SYT3: variants seen among roughly 807,000 people sequenced by gnomAD.
SYT3 encodes synaptotagmin 3.
Under a neutral mutation model 50.6 loss-of-function variants are expected in SYT3, and 25 were observed. The ratio of observed to expected loss-of-function variants is 0.49; its 90% CI spans 0.36 to 0.69. The LOEUF (loss-of-function observed/expected upper bound fraction) is 0.69, where lower values mean the gene tolerates loss of function less well. Ranked by LOEUF, SYT3 falls within the 30% of genes least tolerant of loss-of-function variation. The probability of loss-of-function intolerance (pLI) is 0.00; values close to 1 mark genes in which losing one functional copy is unlikely to be tolerated. For synonymous variants in SYT3, 323 were observed against 353.9 expected (o/e 0.91, Z 0.98); for missense variants, 589 against 793.6 (o/e 0.74, Z 3.10).
the SYT3 span, among the ~76,000 whole-genome samples, chr19:50,645,796 C>T: frequency 3.3e-5 from 5 of 152,092 alleles, no homozygotes; most frequent in Admixed American, 2.0e-4. Flanking sequence ...GGGAAGATCG[C>T]TTGAGCCTAG....
chr19:50,625,441 T>G lies in SYT3; in HGVS notation c.1526A>C (p.Glu509Ala). 1 of 1,576,582 alleles carries G rather than the reference T, an allele frequency of 6.3e-7. No individual in the cohort carries two copies. ...GCTGAGCCCCACGTTCTCCACGCTC[T>G]CGGGGGCCACGTCGAACACCAGCGC... ...NEALVFDVAP[E>A]SVENVGLSIA... Residue 509 changes from glutamate to alanine, a missense_variant, in exon 8 of 11, where the codon GAG becomes GCG. By Grantham distance (107) the Glu-to-Ala change is moderately radical (BLOSUM62 -1). This residue lies in a region of SYT3 where 273 missense variants were observed against 439.3 expected (regional missense o/e 0.62). Transcript: ENST00000600079. The surrounding 1 kb of genome is among the most constrained non-coding windows in gnomAD (Gnocchi z 7.5).
chr19:50,641,459 G>A (rs1187257028), upstream of SYT3, among the ~76,000 whole-genome samples: 1 of 147,078 alleles, frequency 6.8e-6, no homozygotes, highest in Non-Finnish European at 1.5e-5. Flanking sequence ...GTGAGCCACC[G>A]CGCCCGGCCT....
Position 50,632,898 on chromosome 19 carries a change from A to G in SYT3, c.149-87T>C. On this transcript the variant is annotated intron_variant, in intron 3 of 10. Transcript: ENST00000600079. This position sits in a 1 kb window ranked among gnomAD's most constrained non-coding sequence, Gnocchi z 4.7. ...TGTCCCCAAAGAGTTAACCCTTCAT[A>G]TTTGCCATGCAATTGTCCATGCAAT... 2 of 1,160,982 alleles carry G rather than the reference A, an allele frequency of 1.7e-6. No homozygotes were observed. Among genetic ancestry groups the G allele is most frequent in the East Asian group, 5.4e-5 (2 of 37,342 alleles). 71.9% of individuals were successfully genotyped at this position (1,160,982 alleles called of 1,614,324 possible). A position where few individuals can be genotyped will look rare whatever the true frequency, so the allele number is the denominator to read the frequency against.
At position 50,625,106 on chromosome 19, in the gene SYT3, A is replaced by G; in HGVS notation, c.1707+56T>C. On this transcript the variant is annotated intron_variant, in intron 9 of 10. Transcript: ENST00000600079. This position sits in a 1 kb window ranked among gnomAD's most constrained non-coding sequence, Gnocchi z 7.5. ...ATGCAGGGCGTTCGTTGCATGGATGAAGGGGCCGAGGGTGCACGGGTGCTT... is the reference window on the plus strand; with the variant it reads ...ATGCAGGGCGTTCGTTGCATGGATGGAGGGGCCGAGGGTGCACGGGTGCTT... 1 of 1,459,810 alleles carries G rather than the reference A, an allele frequency of 6.9e-7. No individual in the cohort carries two copies. Among genetic ancestry groups the G allele is most frequent in the South Asian group, 1.4e-5 (1 of 71,214 alleles). 90.4% of individuals were successfully genotyped at this position (1,459,810 alleles called of 1,614,324 possible).
intron 6 of SYT3, 93 bp from the exon 7 acceptor site, chr19:50,626,110 C>A (rs1360516662): frequency 2.0e-6 from 3 of 1,493,438 alleles, no homozygotes; most frequent in Non-Finnish European, 2.7e-6. Flanking sequence ...TGCTTTACAC[C>A]CTGACATCCA....
intron 4 of SYT3, among the ~76,000 whole-genome samples, chr19:50,630,405 CCTT>C (rs1328443691): frequency 6.7e-6 from 1 of 149,730 alleles, no homozygotes; most frequent in East Asian, 2.0e-4. Flanking sequence ...TCCCTCCCTC[CCTT>C]CTTTCCTTCC....
At position 50,625,134 on chromosome 19, in the gene SYT3, C is replaced by T. The variant is rs748455193; in HGVS notation, c.1707+28G>A. On this transcript the variant is annotated intron_variant, in intron 9 of 10. Coordinates refer to ENST00000600079, the MANE Select transcript of SYT3 (RefSeq NM_001160329.2). The surrounding 1 kb of genome is among the most constrained non-coding windows in gnomAD (Gnocchi z 7.5). ...GGGCCGAGGGTGCACGGGTGCTTGT[C>T]AGGGGTCGGTGTGGGACCCCTACTC... The T allele has an allele frequency of 2.5e-5, 39 of 1,537,108 alleles. No individual in the cohort carries two copies. Among genetic ancestry groups the T allele is most frequent in the Non-Finnish European group, 3.3e-5 (38 of 1,147,728 alleles).
Position 50,632,197 on chromosome 19 carries a change from C to T in SYT3, c.674+89G>A, listed in dbSNP as rs889527539. ...TCAATACCCCGATTCCCCTCCAAATCCCGAACTCATAAGAGCTATAGATAG... is the reference window on the plus strand; with the variant it reads ...TCAATACCCCGATTCCCCTCCAAATTCCGAACTCATAAGAGCTATAGATAG... On this transcript the variant is annotated intron_variant, in intron 4 of 10. Coordinates refer to ENST00000600079, the MANE Select transcript of SYT3 (RefSeq NM_001160329.2). The surrounding 1 kb of genome is among the most constrained non-coding windows in gnomAD (Gnocchi z 4.7). The T allele has an allele frequency of 7.2e-7, 1 of 1,392,718 alleles. No homozygotes were observed. Among genetic ancestry groups the T allele is most frequent in the Non-Finnish European group, 9.6e-7 (1 of 1,036,368 alleles). The allele number at this position is 1,392,718 out of a possible 1,614,324, so 86.3% of individuals were successfully genotyped here.
chr19:50,638,345 G>A (rs189046822), intron 2 of SYT3, among the ~76,000 whole-genome samples: 1 of 152,090 alleles, frequency 6.6e-6, no homozygotes, highest in African/African-American at 2.4e-5. Flanking sequence ...TGGGGTAGAC[G>A]CGGGGAGGGC....
chr19:50,641,273 G>A (rs539588614), upstream of SYT3, among the ~76,000 whole-genome samples: 4 of 147,360 alleles, frequency 2.7e-5, no homozygotes, highest in South Asian at 4.5e-4. Flanking sequence ...TCCGCCTCCC[G>A]GGTTCACTCC....
At chr19:50,655,943 C>A in the SYT3 span, 2 of 1,053,900 alleles carry the variant, frequency 1.9e-6, no homozygotes, top group African/African-American at 1.6e-5. Context: ...ATCTGGCATA[C>A]AAGCTATTCT....
At chr19:50,645,121 G>GTGGGGA in the SYT3 span, among the ~76,000 whole-genome samples, 2 of 152,232 alleles carry the variant, frequency 1.3e-5, no homozygotes, top group African/African-American at 4.8e-5. Flanking sequence ...GAATGGGGAG[G>GTGGGGA]TGGGGAGACA....
chr19:50,655,100 T>C, the SYT3 span, among the ~76,000 whole-genome samples: 47 of 152,158 alleles, frequency 3.1e-4, no homozygotes, highest in Non-Finnish European at 6.0e-4. Flanking sequence ...TAACACTTCA[T>C]TGGTGAGAGC....
chr19:50,647,662 GTCTCAAAAAC>G, the SYT3 span, among the ~76,000 whole-genome samples: 1 of 152,146 alleles, frequency 6.6e-6, no homozygotes, highest in South Asian at 2.1e-4. Context: ...GTGAGACCCT[GTCTCAAAAAC>G]AAACAAACAA....
chr19:50,636,050 C>G lies in SYT3; in HGVS notation c.148+1214G>C, dbSNP rs183278689. On this transcript the variant is annotated intron_variant, in intron 3 of 10. Coordinates refer to ENST00000600079, the MANE Select transcript of SYT3 (RefSeq NM_001160329.2). ...GGTGGATCACTTGAGGTCAGGAGTT[C>G]GAGACCAGCCTGGCGAACAGGATGA... is the stretch of plus-strand genomic sequence containing the variant. 2.0e-5 allele frequency among the ~76,000 whole-genome samples: 3 copies of G among 152,158 alleles called. No individual in the cohort carries two copies. The East Asian group carries it at 5.8e-4, about 29-fold the overall frequency.
chr19:50,636,738 C>T (rs748977636), intron 3 of SYT3, among the ~76,000 whole-genome samples: 1 of 152,174 alleles, frequency 6.6e-6, no homozygotes, highest in Non-Finnish European at 1.5e-5. Flanking sequence ...TTGAGATGTG[C>T]AGAGGACCTC....
chr19:50,629,941 C>G lies in SYT3; in HGVS notation c.905G>C (p.Arg302Pro). The G allele has an allele frequency of 1.2e-6, 2 of 1,613,960 alleles. No individual in the cohort carries two copies. Among genetic ancestry groups the G allele is most frequent in the South Asian group, 1.1e-5 (1 of 91,088 alleles). ...GEAGTGAPCG[R>P]ISFALRYLYG... Reference sequence around the variant, plus strand: ...GAGGTACCGCAGGGCGAAGCTGATACGGCCACAGGGTGCCCCTGTGCCTGC... The same window carrying G: ...GAGGTACCGCAGGGCGAAGCTGATAGGGCCACAGGGTGCCCCTGTGCCTGC... The change falls in exon 5 of 11, where the codon CGT becomes CCT. Residue 302 changes from arginine (R) to proline (P), a missense_variant. By Grantham distance (103) the Arg-to-Pro change is moderately radical (BLOSUM62 -2). Transcript: ENST00000600079.
At chr19:50,635,700 C>T (rs1403599619) in intron 3 of SYT3, among the ~76,000 whole-genome samples, 1 of 152,188 alleles carries the variant, frequency 6.6e-6, no homozygotes, top group Non-Finnish European at 1.5e-5. Context: ...GCCACACCAG[C>T]AATCAGTCAC....
chr19:50,651,762 T>G, the SYT3 span, among the ~76,000 whole-genome samples: 87 of 152,270 alleles, frequency 5.7e-4, no homozygotes, highest in African/African-American at 2.0e-3. Context: ...AATAAGTACT[T>G]ATTTTTAAGT....
Sources: gnomAD v4.1 joint callset for allele counts (sites outside exome capture counted in the v4.1 genomes callset) on GRCh38, gnomAD v4.1.1 for gene constraint, gnomAD v4.1.1 regional missense constraint, Gnocchi (gnomAD v3.1) non-coding constraint, MANE v1.5 for transcripts, NCBI Gene and HGNC (gene_info 2026-07-23, HGNC 2026-07-21) for gene names.